The following CRACD variants were observed in gnomAD, a reference collection of about 807,000 sequenced individuals.
CRACD encodes the protein capping protein-inhibiting regulator of actin dynamics.
A neutral mutation model predicts 106.8 loss-of-function variants in CRACD; 56 were observed. That is an observed-to-expected ratio of 0.52 (90% CI 0.42 to 0.66). CRACD has a LOEUF of 0.66. Ranked by LOEUF, CRACD falls within the 30% of genes least tolerant of loss-of-function variation. The pLI, the probability that CRACD is intolerant of heterozygous loss-of-function variation, is 0.00. For missense variants in CRACD, 1,730 were observed against 1,623.2 expected (o/e 1.07, Z -1.13); for synonymous variants, 754 against 670.8 (o/e 1.12, Z -1.92).
chr4:56,236,761 G>T (rs113974844), intron 2 of CRACD, among the ~76,000 whole-genome samples: 1 of 150,926 alleles, frequency 6.6e-6, no homozygotes, highest in African/African-American at 2.4e-5. Flanking sequence ...CAAAACTTTT[G>T]TGCTGCAAAA....
chr4:56,266,622 T>A (rs17086603), intron 2 of CRACD, among the ~76,000 whole-genome samples: 40,166 of 152,124 alleles, frequency 0.26, 5,479 homozygotes, highest in African/African-American at 0.28. Context: ...TTCACTACAT[T>A]GTTAAAATTG....
rs200787965 is a variant in CRACD, at chr4:56,314,868, C to T, written c.1366C>T (p.Pro456Ser). Residue 456 changes from proline (P) to serine (S), a missense_variant, in exon 8 of 11, where the codon CCA (proline) becomes TCA (serine). By Grantham distance (74) the Pro-to-Ser change is moderately conservative. Coordinates refer to ENST00000682029, the MANE Select transcript of CRACD (RefSeq NM_001393381.1). The surrounding 1 kb of genome is among the most constrained non-coding windows in gnomAD (Gnocchi z 4.4). ...EEPGICEEQNPEAERRREQQG... is the reference protein window; with the variant it reads ...EEPGICEEQNSEAERRREQQG... ...GCCAGGTATTTGCGAGGAGCAGAACCCAGAGGCCGAGCGGCGAAGAGAGCA... is the reference window on the plus strand; with the variant it reads ...GCCAGGTATTTGCGAGGAGCAGAACTCAGAGGCCGAGCGGCGAAGAGAGCA... 1.9e-6 allele frequency: 3 copies of T among 1,612,060 alleles called. No homozygotes were observed. Among genetic ancestry groups the T allele is most frequent in the East Asian group, 4.5e-5 (2 of 44,816 alleles).
chr4:56,251,175 G>C (rs1253660014), intron 2 of CRACD, among the ~76,000 whole-genome samples: 1 of 152,212 alleles, frequency 6.6e-6, no homozygotes, highest in Non-Finnish European at 1.5e-5. Context: ...GAGGAATAGA[G>C]TATGCCTTGA....
chr4:56,307,799 G>A (rs974067610), intron 5 of CRACD, 100 bp downstream of exon 5: 1 of 1,240,114 alleles, frequency 8.1e-7, no homozygotes. Context: ...TTAGAGGGAG[G>A]AGCTTTTCTC....
At chr4:56,301,141 T>C (rs1335837859) in intron 4 of CRACD, 5 of 885,616 alleles carry the variant, frequency 5.6e-6, no homozygotes, top group Non-Finnish European at 7.9e-6. Flanking sequence ...ATGGGGACCA[T>C]TATCATAGAA....
intron 4 of CRACD, among the ~76,000 whole-genome samples, chr4:56,299,371 A>C (rs1473934073): frequency 6.6e-6 from 1 of 151,956 alleles, no homozygotes; most frequent in Non-Finnish European, 1.5e-5. Flanking sequence ...TGCTTGGCAG[A>C]TAGAATTCTC....
intron 2 of CRACD, among the ~76,000 whole-genome samples, chr4:56,181,568 T>G (rs922115946): frequency 1.3e-5 from 2 of 152,218 alleles, no homozygotes; most frequent in African/African-American, 2.4e-5. Context: ...AAACAGAGCT[T>G]AAAACAACAG....
At chr4:56,122,579 T>C (rs568387188) in intron 1 of CRACD, among the ~76,000 whole-genome samples, 2 of 152,320 alleles carry the variant, frequency 1.3e-5, no homozygotes, top group African/African-American at 4.8e-5. Flanking sequence ...GCACTGTTAC[T>C]AGGTGGATCC....
chr4:56,286,394 GA>G (rs35666161), intron 3 of CRACD, among the ~76,000 whole-genome samples: 35 of 141,336 alleles, frequency 2.5e-4, no homozygotes, highest in East Asian at 8.6e-4. Context: ...TTCTGTCTCC[GA>G]AAAAAAAAAA....
rs140904396 is a variant in CRACD, at chr4:56,109,993, C to T, written c.-336+60694C>T. Among the ~76,000 whole-genome samples the T allele has an allele frequency of 3.3e-5, 5 of 152,160 alleles. No homozygotes were observed. In the East Asian group the frequency reaches 9.7e-4, roughly 29 times the overall value. On this transcript the variant is annotated intron_variant, in intron 1 of 10. Transcript: ENST00000682029. ...TTATATTGAAAAGGTCCATTGAACG[C>T]TCAGCATAATAGATGCAGAAGGATC... is the stretch of plus-strand genomic sequence containing the variant.
intron 1 of CRACD, among the ~76,000 whole-genome samples, chr4:56,165,297 A>G (rs1260502802): frequency 6.6e-6 from 1 of 152,212 alleles, no homozygotes; most frequent in Non-Finnish European, 1.5e-5. Flanking sequence ...CGTAGCAGCA[A>G]CAGACAGAAA....
chr4:56,182,863 ATGTGTGTG>A (rs34291347), intron 2 of CRACD, among the ~76,000 whole-genome samples: 39,962 of 144,706 alleles, frequency 0.28, 5,656 homozygotes, highest in South Asian at 0.35. Flanking sequence ...AAAAAAAGAT[ATGTGTGTG>A]TGTGTGTGTG....
chr4:56,256,677 G>A (rs531637599), intron 2 of CRACD, among the ~76,000 whole-genome samples: 16 of 152,304 alleles, frequency 1.1e-4, no homozygotes, highest in East Asian at 3.9e-4. Context: ...AGCAGGCCCC[G>A]AGGGCACATT....
chr4:56,309,238 C>CCTG, intron 5 of CRACD: 1 of 273,638 alleles, frequency 3.7e-6, no homozygotes, highest in African/African-American at 2.2e-5. Context: ...AGGGTAAATT[C>CCTG]TATTTGGAAG....
chr4:56,096,169 T>C (rs1337233142), intron 1 of CRACD, among the ~76,000 whole-genome samples: 1 of 152,120 alleles, frequency 6.6e-6, no homozygotes, highest in Admixed American at 6.6e-5. Context: ...AGCTGGAATC[T>C]TAGGGAGAGA....
chr4:56,201,182 G>A (rs1204115341), intron 2 of CRACD, among the ~76,000 whole-genome samples: 1 of 152,156 alleles, frequency 6.6e-6, no homozygotes, highest in African/African-American at 2.4e-5. Context: ...AGTGTGCTGA[G>A]GTGTGCTGTG....
chr4:56,319,412 A>G (rs1745904419), intron 8 of CRACD, among the ~76,000 whole-genome samples: 1 of 151,912 alleles, frequency 6.6e-6, no homozygotes, highest in Admixed American at 6.6e-5. Flanking sequence ...GTTCAGGACC[A>G]GCCTGGCAAT....
chr4:56,198,409 C>G (rs1737724005), intron 2 of CRACD, among the ~76,000 whole-genome samples: 1 of 152,172 alleles, frequency 6.6e-6, no homozygotes, highest in South Asian at 2.1e-4. Context: ...CATTCTTACC[C>G]TTGTATAATA....
chr4:56,193,091 C>T (rs1737453818), intron 2 of CRACD, among the ~76,000 whole-genome samples: 2 of 152,160 alleles, frequency 1.3e-5, no homozygotes, highest in Admixed American at 1.3e-4. Context: ...GGGGAGGCCT[C>T]ACAATCATGG....
Sources: gnomAD v4.1 joint callset for allele counts (sites outside exome capture counted in the v4.1 genomes callset) on GRCh38, gnomAD v4.1.1 for gene constraint, Gnocchi (gnomAD v3.1) non-coding constraint, MANE v1.5 for transcripts, NCBI Gene and HGNC (gene_info 2026-07-23, HGNC 2026-07-21) for gene names.